CSMD3: variants seen among roughly 807,000 people sequenced by gnomAD.
CSMD3 encodes the protein CUB and sushi domain-containing protein 3.
In CSMD3, 177 loss-of-function variants were observed where a neutral mutation model predicts 435.2. The observed-to-expected ratio is 0.41, with a 90% confidence interval of 0.36 to 0.46. The LOEUF (loss-of-function observed/expected upper bound fraction) is 0.46, where lower values mean the gene tolerates loss of function less well. CSMD3 is among the 20% of genes least tolerant of loss of function. The pLI is 0.34. For missense variants in CSMD3, 4,265 were observed against 4,504.6 expected, an observed-to-expected ratio of 0.95 and a Z score of 1.52; for synonymous variants, 1,656 against 1,520.5, an observed-to-expected ratio of 1.09 and a Z score of -2.07.
At chr8:112,567,172 C>T (rs1214090725) in intron 24 of CSMD3, among the ~76,000 whole-genome samples, 3 of 152,144 alleles carry the variant, frequency 2.0e-5, no homozygotes, top group Non-Finnish European at 2.9e-5. Flanking sequence ...ATAACTCAAG[C>T]TCAGACTTCT....
At chr8:113,377,646 C>T (rs944426643) in intron 1 of CSMD3, among the ~76,000 whole-genome samples, 1 of 152,084 alleles carries the variant, frequency 6.6e-6, no homozygotes, top group Non-Finnish European at 1.5e-5. Context: ...TTTTTACAAA[C>T]AATAGAAACT....
intron 63 of CSMD3, among the ~76,000 whole-genome samples, chr8:112,247,905 G>A (rs928913893): frequency 6.6e-6 from 1 of 152,138 alleles, no homozygotes; most frequent in African/African-American, 2.4e-5. Context: ...ATAACATGAT[G>A]AGAAATGTAT....
At chr8:112,306,265 C>T (rs1821413484) in intron 50 of CSMD3, 73 bp from the exon 51 acceptor site, 1 of 1,113,362 alleles carries the variant, frequency 9.0e-7, no homozygotes, top group Non-Finnish European at 1.3e-6. Flanking sequence ...CTCTGCTGAA[C>T]TGTAAAACAT....
intron 45 of CSMD3, among the ~76,000 whole-genome samples, chr8:112,334,043 G>C (rs1824336713): frequency 6.6e-6 from 1 of 152,056 alleles, no homozygotes; most frequent in Non-Finnish European, 1.5e-5. Flanking sequence ...CAGTAGGAAA[G>C]GCAAATAAAT....
chr8:113,399,514 A>G (rs1428528781), intron 1 of CSMD3, among the ~76,000 whole-genome samples: 3 of 151,930 alleles, frequency 2.0e-5, no homozygotes, highest in Non-Finnish European at 4.4e-5. Flanking sequence ...GAACCTGGAA[A>G]ACGGTTTGCT....
intron 1 of CSMD3, among the ~76,000 whole-genome samples, chr8:113,431,342 A>G (rs1230630748): frequency 6.6e-6 from 1 of 152,232 alleles, no homozygotes; most frequent in African/African-American, 2.4e-5. Context: ...TTTAATGTAC[A>G]TGTAAATAAA....
At chr8:113,317,954 T>C (rs1176269964) in intron 1 of CSMD3, among the ~76,000 whole-genome samples, 1 of 152,216 alleles carries the variant, frequency 6.6e-6, no homozygotes, top group Non-Finnish European at 1.5e-5. Flanking sequence ...AGTACGCCTA[T>C]AGTATAATTT....
intron 1 of CSMD3, among the ~76,000 whole-genome samples, chr8:113,341,808 G>T (rs994683305): frequency 3.3e-5 from 5 of 152,006 alleles, no homozygotes; most frequent in Non-Finnish European, 5.9e-5. Context: ...AGTCGTATTG[G>T]TCCACCGGCA....
chr8:112,232,153 C>A (rs1458131366), intron 68 of CSMD3, among the ~76,000 whole-genome samples: 2 of 152,122 alleles, frequency 1.3e-5, no homozygotes, highest in African/African-American at 4.8e-5. Context: ...TGGAAGAAGC[C>A]AGCCACAAAA....
chr8:112,334,377 A>G (rs546555415), intron 45 of CSMD3, among the ~76,000 whole-genome samples: 1 of 152,226 alleles, frequency 6.6e-6, no homozygotes, highest in Non-Finnish European at 1.5e-5. Context: ...CATGGAATAT[A>G]AGCTTTAAGT....
At chr8:112,311,766 C>T (rs1821996203) in intron 49 of CSMD3, among the ~76,000 whole-genome samples, 1 of 152,132 alleles carries the variant, frequency 6.6e-6, no homozygotes, top group South Asian at 2.1e-4. Flanking sequence ...GAAATGCCAA[C>T]AGATACTGTC....
intron 1 of CSMD3, among the ~76,000 whole-genome samples, chr8:113,323,129 T>G (rs1479561091): frequency 6.6e-6 from 1 of 152,148 alleles, no homozygotes; most frequent in African/African-American, 2.4e-5. Context: ...TTACCCTCAT[T>G]CGCTTTTTGA....
chr8:112,934,912 G>A (rs1352459263), intron 9 of CSMD3, among the ~76,000 whole-genome samples: 4 of 152,020 alleles, frequency 2.6e-5, no homozygotes, highest in Non-Finnish European at 5.9e-5. Flanking sequence ...TTTTTATCTT[G>A]TGTAACCCTT....
intron 10 of CSMD3, among the ~76,000 whole-genome samples, chr8:112,920,146 A>C (rs2082692191): frequency 6.6e-6 from 1 of 151,952 alleles, no homozygotes; most frequent in South Asian, 2.1e-4. Flanking sequence ...GTTTAGAAAG[A>C]AGGAGGCTTA....
chr8:112,555,275 A>G (rs577839092), intron 25 of CSMD3, among the ~76,000 whole-genome samples: 3 of 151,966 alleles, frequency 2.0e-5, no homozygotes, highest in Non-Finnish European at 4.4e-5. Context: ...AAAGTAGAGA[A>G]TATCTTCAGC....
At chr8:112,756,696 G>T (rs1464830113) in intron 13 of CSMD3, among the ~76,000 whole-genome samples, 1 of 151,800 alleles carries the variant, frequency 6.6e-6, no homozygotes, top group Non-Finnish European at 1.5e-5. Flanking sequence ...TGAAAAATGC[G>T]GTTTGTTATG....
chr8:112,565,959 A>T (rs1412888620), intron 24 of CSMD3, among the ~76,000 whole-genome samples: 1 of 151,554 alleles, frequency 6.6e-6, no homozygotes, highest in Non-Finnish European at 1.5e-5. Context: ...TAACAAAAAT[A>T]AAAAAAAATT....
At chr8:112,853,036 T>C (rs1365800504) in intron 11 of CSMD3, among the ~76,000 whole-genome samples, 2 of 152,218 alleles carry the variant, frequency 1.3e-5, no homozygotes, top group African/African-American at 4.8e-5. Flanking sequence ...CAAATAGTAG[T>C]TCAAATATAC....
At chr8:113,241,411 A>G (rs2093215367) in intron 3 of CSMD3, among the ~76,000 whole-genome samples, 1 of 152,058 alleles carries the variant, frequency 6.6e-6, no homozygotes, top group Admixed American at 6.6e-5. Context: ...AGAGAGAAAT[A>G]ACAATAGCTA....
Sources: gnomAD v4.1 joint callset for allele counts (sites outside exome capture counted in the v4.1 genomes callset) on GRCh38, gnomAD v4.1.1 for gene constraint, MANE v1.5 for transcripts, NCBI Gene and HGNC (gene_info 2026-07-23, HGNC 2026-07-21) for gene names.